Variants in ANK3 observed in about 807,000 individuals in gnomAD.
The protein encoded by ANK3 is ankyrin-3.
ANK3 carries 57 observed loss-of-function variants against 370.9 expected under a neutral mutation model. The ratio of observed to expected loss-of-function variants is 0.15; its 90% confidence interval spans 0.12 to 0.19. The LOEUF (loss-of-function observed/expected upper bound fraction) is 0.19. Ranked by LOEUF, ANK3 falls within the 10% of genes least tolerant of loss-of-function variation. The probability of loss-of-function intolerance (pLI) is 1.00; values close to 1 mark genes in which losing one functional copy is unlikely to be tolerated. For synonymous variants in ANK3, 1,929 were observed against 1,946.3 expected (o/e 0.99, Z 0.23); for missense variants, 4,439 against 5,302.1 (o/e 0.84, Z 5.06).
rs146434581 is a variant in ANK3 at position 60,270,139 on chromosome 10, C to T, written c.505G>A (p.Ala169Thr). 1.3e-6 allele frequency: 2 copies of T among 1,569,936 alleles called. No individual in the cohort carries two copies. The highest frequency in any genetic ancestry group is 2.3e-5 in the East Asian group (1 of 42,994). Reference protein sequence around the residue: ...LLDNGASQSLATEDGFTPLAV... With the variant: ...LLDNGASQSLTTEDGFTPLAV... ...AAAAAACAGTATCTTACCTCTGTGG[C>T]TAGGCTCTGGCTTGCACCATTGTCA... Residue 169 changes from alanine to threonine, a missense_variant, in exon 5 of 44, where the codon GCC becomes ACC. Coordinates refer to ENST00000280772, the MANE Select transcript of ANK3 (RefSeq NM_020987.5).
intron 1 of ANK3, among the ~76,000 whole-genome samples, chr10:60,307,424 C>T (rs1308225600): frequency 6.6e-6 from 1 of 152,090 alleles, no homozygotes; most frequent in African/African-American, 2.4e-5. Context: ...CCTCATCCTC[C>T]AGGGCTCAAG....
At chr10:60,240,905 A>C (rs2132561955) in intron 7 of ANK3, among the ~76,000 whole-genome samples, 1 of 152,298 alleles carries the variant, frequency 6.6e-6, no homozygotes, top group South Asian at 2.1e-4. Context: ...ATTAATCCAA[A>C]CGTTAACAAT....
At chr10:60,306,477 C>T (rs904303004) in intron 1 of ANK3, among the ~76,000 whole-genome samples, 1 of 149,492 alleles carries the variant, frequency 6.7e-6, no homozygotes, top group African/African-American at 2.5e-5. Context: ...ACTTGTTGGC[C>T]GATGGACATT....
intron 2 of ANK3, among the ~76,000 whole-genome samples, chr10:60,489,669 G>C (rs183569860): frequency 4.2e-4 from 64 of 151,884 alleles, no homozygotes; most frequent in African/African-American, 1.5e-3. Flanking sequence ...TACAACAAAA[G>C]GCTCTTTAAA....
At chr10:60,061,203 C>G (rs956639793) in intron 40 of ANK3, among the ~76,000 whole-genome samples, 2 of 152,152 alleles carry the variant, frequency 1.3e-5, no homozygotes, top group Admixed American at 6.5e-5. Flanking sequence ...CATCTATAAA[C>G]CAGACTCTTG....
intron 2 of ANK3, among the ~76,000 whole-genome samples, chr10:60,408,653 G>A (rs1389667799): frequency 6.6e-6 from 1 of 152,112 alleles, no homozygotes; most frequent in Non-Finnish European, 1.5e-5. Context: ...CTAGAGAAAT[G>A]AGCAGTAAAG....
At chr10:60,128,715 C>T (rs1301994870) in intron 25 of ANK3, among the ~76,000 whole-genome samples, 5 of 152,112 alleles carry the variant, frequency 3.3e-5, no homozygotes, top group African/African-American at 1.2e-4. Context: ...CAAATTATTT[C>T]ATAGGGATAT....
At chr10:60,511,789 A>ATTTT (rs5785448) in intron 2 of ANK3, among the ~76,000 whole-genome samples, 2 of 141,632 alleles carry the variant, frequency 1.4e-5, no homozygotes, top group African/African-American at 2.6e-5. Flanking sequence ...GGGGAAAGGC[A>ATTTT]TTTTTTTTTT....
At chr10:60,690,993 A>G (rs2079344166) in intron 1 of ANK3, among the ~76,000 whole-genome samples, 1 of 152,226 alleles carries the variant, frequency 6.6e-6, no homozygotes, top group Non-Finnish European at 1.5e-5. Flanking sequence ...GATTAAACCC[A>G]TACAGATTTT....
intron 2 of ANK3, among the ~76,000 whole-genome samples, chr10:60,518,423 G>A (rs977386275): frequency 3.3e-5 from 5 of 152,056 alleles, no homozygotes; most frequent in Admixed American, 3.3e-4. Context: ...ACCTATGAAA[G>A]GCACACACCA....
chr10:60,139,136 T>C, intron 23 of ANK3, 49 bp from the exon 24 acceptor site: 1 of 1,593,304 alleles, frequency 6.3e-7, no homozygotes, highest in East Asian at 2.2e-5. Flanking sequence ...CTTTTGAAAG[T>C]GTCAGCTGTG....
intron 2 of ANK3, among the ~76,000 whole-genome samples, chr10:60,437,379 G>C (rs951365752): frequency 6.6e-6 from 1 of 152,162 alleles, no homozygotes; most frequent in Admixed American, 6.5e-5. Context: ...AAGAAGAAAA[G>C]ATACAAGAAA....
chr10:60,454,457 G>T (rs1224057423), intron 2 of ANK3, among the ~76,000 whole-genome samples: 1 of 151,958 alleles, frequency 6.6e-6, no homozygotes, highest in Non-Finnish European at 1.5e-5. Context: ...TGTGTCTCCC[G>T]GCAGCTTTAG....
At chr10:60,048,051 G>A (rs543457546) in intron 42 of ANK3, among the ~76,000 whole-genome samples, 4 of 152,200 alleles carry the variant, frequency 2.6e-5, no homozygotes, top group African/African-American at 4.8e-5. Flanking sequence ...GAGAAAAATC[G>A]CCGTCACCTC....
chr10:60,651,112 G>A (rs971855423), intron 1 of ANK3, among the ~76,000 whole-genome samples: 1 of 152,028 alleles, frequency 6.6e-6, no homozygotes, highest in African/African-American at 2.4e-5. Context: ...TATAGATATT[G>A]TTTTATATAT....
intron 2 of ANK3, among the ~76,000 whole-genome samples, chr10:60,577,085 G>C (rs989934209): frequency 3.9e-5 from 6 of 152,192 alleles, no homozygotes; most frequent in Non-Finnish European, 8.8e-5. Flanking sequence ...TTCCCTGTGG[G>C]GTTTTGGTAT....
At chr10:60,504,537 G>C (rs972759881) in intron 2 of ANK3, among the ~76,000 whole-genome samples, 2 of 152,140 alleles carry the variant, frequency 1.3e-5, no homozygotes, top group Non-Finnish European at 2.9e-5. Flanking sequence ...TCCATCTGAA[G>C]AGTGGAATAA....
chr10:60,236,787 C>A (rs2097340704), intron 7 of ANK3, among the ~76,000 whole-genome samples: 2 of 152,178 alleles, frequency 1.3e-5, no homozygotes, highest in Admixed American at 1.3e-4. Flanking sequence ...AGTAAACAGA[C>A]CAATATTGCT....
rs760544526 is a variant in ANK3, at chr10:60,076,112, T to C, written c.4769A>G (p.Tyr1590Cys). Residue 1590 changes from tyrosine to cysteine, a missense_variant, in exon 37 of 44, where the codon TAC (tyrosine) becomes TGC (cysteine). By Grantham distance (194) the Tyr-to-Cys change is radical. Around this residue, in one of 13 missense-constraint regions of ANK3, gnomAD observed 679 missense variants for 791.0 expected, o/e 0.86. Coordinates refer to ENST00000280772, the MANE Select transcript of ANK3 (RefSeq NM_020987.5). ...PIKTVVSQSP[Y>C]NIQVSSGTLA... ...GGTACCAGAGGAAACTTGGATATTG[T>C]ATGGAGATTGTGACACCACAGTTTT... is the stretch of plus-strand genomic sequence containing the variant. 1.7e-5 allele frequency: 28 copies of C among 1,614,220 alleles called. No individual in the cohort carries two copies. The highest frequency in any genetic ancestry group is 2.2e-5 in the Non-Finnish European group (26 of 1,180,026).
Sources: allele counts gnomAD v4.1 joint callset (sites outside exome capture counted in the v4.1 genomes callset), GRCh38; gene constraint gnomAD v4.1.1; regional missense constraint gnomAD v4.1.1; transcripts MANE v1.5; gene names NCBI Gene and HGNC (gene_info 2026-07-23, HGNC 2026-07-21).